LRRC28: variants seen among roughly 807,000 people sequenced by gnomAD.
The protein encoded by LRRC28 is leucine rich repeat containing 28.
In LRRC28, 39 loss-of-function variants were observed where a neutral mutation model predicts 45.7. The observed-to-expected ratio is 0.85, with a 90% CI of 0.66 to 1.12. The LOEUF is 1.12. Among genes scored for constraint, LRRC28 ranks in the 50% most tolerant of loss-of-function variants. The pLI, the probability that LRRC28 is intolerant of heterozygous loss-of-function variation, is 0.00. For synonymous variants in LRRC28, 206 were observed against 178.8 expected (o/e 1.15, Z -1.22); for missense variants, 435 against 438.5 (o/e 0.99, Z 0.07).
At chr15:99,359,819 T>G (rs188669102) in intron 7 of LRRC28, among the ~76,000 whole-genome samples, 3 of 152,326 alleles carry the variant, frequency 2.0e-5, no homozygotes, top group African/African-American at 7.2e-5. Context: ...CATAAAAGAT[T>G]ATGTGAACAA....
intron 5 of LRRC28, among the ~76,000 whole-genome samples, chr15:99,319,237 G>A (rs925422277): frequency 3.9e-5 from 6 of 152,060 alleles, no homozygotes; most frequent in African/African-American, 9.7e-5. Context: ...AAACTCCATT[G>A]TGCTAACTCA....
At chr15:99,258,446 A>G in intron 2 of LRRC28, 1 of 865,198 alleles carries the variant, frequency 1.2e-6, no homozygotes, top group African/African-American at 1.7e-5. Context: ...CAGTTCATAA[A>G]CTTTCCTATT....
chr15:99,348,566 T>C (rs1346212659), intron 6 of LRRC28, among the ~76,000 whole-genome samples: 1 of 152,186 alleles, frequency 6.6e-6, no homozygotes, highest in Non-Finnish European at 1.5e-5. Flanking sequence ...TGCCCATTTA[T>C]GTTTGGATTC....
At chr15:99,384,487 T>C (rs1957923075) in intron 9 of LRRC28, 1 of 152,192 alleles carries the variant, frequency 6.6e-6, no homozygotes, top group Non-Finnish European at 1.5e-5. Context: ...TGCAGCTTCA[T>C]AAAATAAGGA....
At chr15:99,367,665 T>C (rs1465754542) in intron 9 of LRRC28, among the ~76,000 whole-genome samples, 1 of 152,152 alleles carries the variant, frequency 6.6e-6, no homozygotes, top group Admixed American at 6.5e-5. Flanking sequence ...TTATAAAAGA[T>C]ACAGGTGAAC....
chr15:99,268,111 T>G (rs1177480608), intron 2 of LRRC28, among the ~76,000 whole-genome samples: 1 of 152,230 alleles, frequency 6.6e-6, no homozygotes, highest in African/African-American at 2.4e-5. Flanking sequence ...TAGATATTTA[T>G]TGATAACCTC....
intron 3 of LRRC28, among the ~76,000 whole-genome samples, chr15:99,277,935 C>T (rs977339442): frequency 1.1e-4 from 16 of 151,922 alleles, no homozygotes; most frequent in Non-Finnish European, 1.8e-4. Flanking sequence ...TTTTTACTAT[C>T]GTAAATGAAT....
At chr15:99,279,458 T>TGCTACTCAGACGGAATAAAGAC (rs1333588421) in intron 3 of LRRC28, among the ~76,000 whole-genome samples, 1 of 152,220 alleles carries the variant, frequency 6.6e-6, no homozygotes, top group Non-Finnish European at 1.5e-5. Flanking sequence ...CTGGGCAATC[T>TGCTACTCAGACGGAATAAAGAC]GCTACTCAGA....
intron 2 of LRRC28, among the ~76,000 whole-genome samples, chr15:99,276,179 T>C (rs2081612438): frequency 6.6e-6 from 1 of 152,024 alleles, no homozygotes; most frequent in Non-Finnish European, 1.5e-5. Flanking sequence ...TTCCCACTGA[T>C]TCTTCATTAT....
chr15:99,350,428 C>T (rs937891174), intron 6 of LRRC28, among the ~76,000 whole-genome samples: 7 of 152,166 alleles, frequency 4.6e-5, no homozygotes, highest in Non-Finnish European at 7.3e-5. Context: ...CTTTATATTA[C>T]GCTCCTCCTG....
At chr15:99,277,236 A>G (rs1459331654) in intron 3 of LRRC28, among the ~76,000 whole-genome samples, 1 of 152,080 alleles carries the variant, frequency 6.6e-6, no homozygotes, top group East Asian at 1.9e-4. Context: ...GTTATTTGGC[A>G]CGATTTTCAA....
intron 6 of LRRC28, among the ~76,000 whole-genome samples, chr15:99,350,106 G>A (rs1055327608): frequency 3.4e-5 from 5 of 144,934 alleles, no homozygotes; most frequent in East Asian, 4.0e-4. Flanking sequence ...ACTGCAGTCC[G>A]CAGTCCGGCC....
intron 6 of LRRC28, among the ~76,000 whole-genome samples, chr15:99,341,620 G>A (rs932218851): frequency 6.6e-6 from 1 of 152,112 alleles, no homozygotes; most frequent in African/African-American, 2.4e-5. Flanking sequence ...TAGGATTTAG[G>A]GGGTGGGACA....
chr15:99,281,066 C>T (rs1309562338), intron 3 of LRRC28, among the ~76,000 whole-genome samples: 1 of 151,504 alleles, frequency 6.6e-6, no homozygotes, highest in African/African-American at 2.4e-5. Flanking sequence ...CTTGCTCTGT[C>T]GCCCAGGCTG....
At position 99,385,543 on chromosome 15, in the gene LRRC28, C is replaced by A. The variant is rs530110368; in HGVS notation, c.1032-487C>A. Reference sequence around the variant, plus strand: ...CTGTATTATTCAGATTCTGAAATGACCTCTACGAGCAACCTATGTGTATGC... The same window carrying A: ...CTGTATTATTCAGATTCTGAAATGAACTCTACGAGCAACCTATGTGTATGC... On this transcript the variant is annotated intron_variant, in intron 9 of 9. Transcript: ENST00000301981. Among the ~76,000 whole-genome samples the A allele has an allele frequency of 3.9e-5, 6 of 152,346 alleles. No individual in the cohort carries two copies. In the South Asian group the frequency reaches 1.2e-3, roughly 32 times the overall value.
chr15:99,376,103 C>T (rs1171377643), intron 9 of LRRC28, among the ~76,000 whole-genome samples: 1 of 152,018 alleles, frequency 6.6e-6, no homozygotes, highest in Non-Finnish European at 1.5e-5. Context: ...CTATAAATTT[C>T]CCTCAGCACT....
chr15:99,260,982 A>G (rs1344700573), intron 2 of LRRC28, among the ~76,000 whole-genome samples: 2 of 151,750 alleles, frequency 1.3e-5, no homozygotes, highest in Non-Finnish European at 2.9e-5. Context: ...TTCTCTCAGC[A>G]TTTTCCTCCT....
intron 5 of LRRC28, among the ~76,000 whole-genome samples, chr15:99,308,542 C>T (rs562833937): frequency 2.0e-5 from 3 of 152,018 alleles, no homozygotes; most frequent in Non-Finnish European, 2.9e-5. Flanking sequence ...CGTGGTGGCA[C>T]GTGCCTGTAG....
intron 7 of LRRC28, among the ~76,000 whole-genome samples, chr15:99,356,436 G>A (rs1957049547): frequency 6.6e-6 from 1 of 152,192 alleles, no homozygotes; most frequent in Non-Finnish European, 1.5e-5. Flanking sequence ...TGGCAGAATG[G>A]TTGGAACAGA....
Sources: gnomAD v4.1 joint callset for allele counts (sites outside exome capture counted in the v4.1 genomes callset) on GRCh38, gnomAD v4.1.1 for gene constraint, MANE v1.5 for transcripts, NCBI Gene and HGNC (gene_info 2026-07-23, HGNC 2026-07-21) for gene names.